WDR46: variants seen among roughly 807,000 people sequenced by gnomAD.
WDR46 encodes the protein WD repeat domain 46, also known as WD repeat-containing protein 46.
Under a neutral mutation model 74.7 loss-of-function variants are expected in WDR46, and 58 were observed. That is an observed-to-expected ratio of 0.78 (90% CI 0.63 to 0.97). The LOEUF (loss-of-function observed/expected upper bound fraction) is 0.97. Among genes scored for constraint, WDR46 ranks in the 50% least tolerant of loss-of-function variants. WDR46 has a pLI of 0.00. For missense variants in WDR46, 702 were observed against 790.1 expected, an observed-to-expected ratio of 0.89 and a Z score of 1.34; for synonymous variants, 278 against 297.3, an observed-to-expected ratio of 0.93 and a Z score of 0.67.
At chr6:33,284,452 A>AT (rs1217315120) in intron 10 of WDR46, 1 of 153,790 alleles carries the variant, frequency 6.5e-6, no homozygotes. Flanking sequence ...GAAAATGCAG[A>AT]TACTCCCTCA....
At chr6:33,285,344 A>C (rs1404845213) in intron 10 of WDR46, among the ~76,000 whole-genome samples, 3 of 152,020 alleles carry the variant, frequency 2.0e-5, no homozygotes, top group Non-Finnish European at 4.4e-5. Flanking sequence ...CTGGGACTAC[A>C]GGCATGCACC....
rs746368528 is a variant in WDR46, at chr6:33,288,007, C to A, written c.581G>T (p.Arg194Leu). The A allele has an allele frequency of 1.9e-6, 3 of 1,614,046 alleles. No individual in the cohort carries two copies. Among genetic ancestry groups the A allele is most frequent in the South Asian group, 2.2e-5 (2 of 91,072 alleles). The change falls in exon 6 of 15, where the codon CGG becomes CTG. Residue 194 changes from arginine to leucine, a missense_variant. By Grantham distance (102) the Arg-to-Leu change is moderately radical. Transcript: ENST00000374617. ...SAAKHFDLNL[R>L]QFGPYRLNYS... is the part of the protein sequence containing the mutation. ...GTTTAGTCTGTAGGGTCCAAACTGC[C>A]GCAGATTCAAGTCAAAGTGCTGGGA...
At chr6:33,283,846 C>A (rs563702239) in intron 10 of WDR46, among the ~76,000 whole-genome samples, 1 of 152,108 alleles carries the variant, frequency 6.6e-6, no homozygotes. Flanking sequence ...TGTAATGAAC[C>A]GAGATCGCGC....
chr6:33,286,149 G>T (rs1383686758), intron 10 of WDR46, among the ~76,000 whole-genome samples: 1 of 111,348 alleles, frequency 9.0e-6, no homozygotes, highest in African/African-American at 4.1e-5. Context: ...TCTCTCAAAA[G>T]ATTTAAAAAA....
rs1765886614 is a variant in WDR46 at position 33,279,166 on chromosome 6, C to T, written c.*110G>A. 6.8e-7 allele frequency: 1 copy of T among 1,477,042 alleles called. No homozygotes were observed. Among genetic ancestry groups the T allele is most frequent in the Admixed American group, 1.9e-5 (1 of 51,590 alleles). 91.5% of individuals were successfully genotyped at this position (1,477,042 alleles called of 1,614,324 possible). On this transcript the variant is annotated 3_prime_UTR_variant, in exon 15 of 15. Transcript: ENST00000374617. ...CACCCCAGGAGACAGCTGTCCACCC[C>T]CAGTTGGGGAAGGGGCCACACTGCC...
At position 33,288,446 on chromosome 6, in the gene WDR46, G is replaced by T. The variant is rs773625139; in HGVS notation, c.385C>A (p.Arg129=). The T allele has an allele frequency of 1.1e-5, 18 of 1,613,996 alleles. No homozygotes were observed. Among genetic ancestry groups the T allele is most frequent in the South Asian group, 8.8e-5 (8 of 91,094 alleles). ...RKLPHSKAKT[R]SRLEVAEAEE... is the part of the protein sequence containing the mutation. The stretch of plus-strand genomic sequence containing the variant: ...GCTTCAGCCACCTCAAGTCGGCTTC[G>T]AGTTTTGGCTTTAGAATGTGGTAGC... Residue 129 remains arginine (R), a synonymous_variant, in exon 4 of 15, where the codon CGA becomes AGA. Transcript: ENST00000374617.
intron 5 of WDR46, 49 bp from the exon 6 acceptor site, chr6:33,288,075 C>T (rs777885547): frequency 5.1e-5 from 83 of 1,613,866 alleles, no homozygotes; most frequent in Non-Finnish European, 6.8e-5. Context: ...GTAACGCCTT[C>T]TTCTAGCCCC....
intron 4 of WDR46, 47 bp downstream of exon 4, chr6:33,288,309 GAC>G (rs778034756): frequency 1.3e-4 from 213 of 1,613,304 alleles, no homozygotes; most frequent in Non-Finnish European, 1.7e-4. Flanking sequence ...AACGAGAAAA[GAC>G]AGTCCCAAAA....
At chr6:33,287,845 C>T (rs1766816435) in intron 6 of WDR46, 120 bp downstream of exon 6, 2 of 1,504,160 alleles carry the variant, frequency 1.3e-6, no homozygotes, top group Non-Finnish European at 1.8e-6. Context: ...GGTGCTTACC[C>T]TCACACCCAA....
In WDR46 at chr6:33,280,526, AAGGG is replaced by A; in HGVS notation, c.1430-8_1430-5del. The A allele has an allele frequency of 6.2e-7, 1 of 1,601,326 alleles. No individual in the cohort carries two copies. Among genetic ancestry groups the A allele is most frequent in the Non-Finnish European group, 8.5e-7 (1 of 1,173,246 alleles). On this transcript the variant is annotated splice_region_variant and splice_polypyrimidine_tract_variant and intron_variant, in intron 11 of 14. Transcript: ENST00000374617. The stretch of plus-strand genomic sequence containing the variant: ...TCGAAGTTGGGCTCACCGGCCCCTG[AAGGG>A]AGGGAGGGAGAAGCATGGAGCCATA...
At chr6:33,287,743 G>A in intron 6 of WDR46, 25 bp from the exon 7 acceptor site, 1 of 1,611,800 alleles carries the variant, frequency 6.2e-7, no homozygotes, top group Non-Finnish European at 8.5e-7. Context: ...GGGCAGGCAG[G>A]GTGTTAAGGC....
At position 33,287,241 on chromosome 6, in the gene WDR46, CAG is replaced by C. The variant is rs1319738099; in HGVS notation, c.880-17_880-16del. 1 of 1,613,464 alleles carries C rather than the reference CAG, an allele frequency of 6.2e-7. No homozygotes were observed. The highest frequency in any genetic ancestry group is 1.1e-5 in the South Asian group (1 of 91,016). On this transcript the variant is annotated splice_polypyrimidine_tract_variant and intron_variant, in intron 8 of 14. Coordinates refer to ENST00000374617, the MANE Select transcript of WDR46 (RefSeq NM_005452.6). The stretch of plus-strand genomic sequence containing the variant: ...CCTGTTTCTGACTGAGAGAGAAAGA[CAG>C]AGAGAATGACCCAGTCCTGATTGCC...
chr6:33,288,834 C>A lies in WDR46; in HGVS notation c.249G>T (p.Lys83Asn), dbSNP rs899911121. 1.4e-5 allele frequency: 23 copies of A among 1,614,168 alleles called. No individual in the cohort carries two copies. Among genetic ancestry groups the A allele is most frequent in the Non-Finnish European group, 1.9e-5 (23 of 1,180,024 alleles). ...PQVPKKPREW[K>N]NPESQRGLSG... ...ACAAGCCGCGCTGGGACTCCGGGTT[C>A]TTCCATTCTCGGGGTTTCTTCGGGA... The change falls in exon 2 of 15, where the codon AAG (lysine) becomes AAT (asparagine). Residue 83 changes from lysine (K) to asparagine (N), a missense_variant. Coordinates refer to ENST00000374617, the MANE Select transcript of WDR46 (RefSeq NM_005452.6).
rs988816888 is a variant in WDR46 at position 33,280,521 on chromosome 6, C to A, written c.1431G>T (p.Gly477=). 5 of 1,601,472 alleles carry A rather than the reference C, an allele frequency of 3.1e-6. No homozygotes were observed. Among genetic ancestry groups the A allele is most frequent in the Non-Finnish European group, 3.4e-6 (4 of 1,173,368 alleles). ...TGGITSMLVP[G]AGEPNFDGLE... ...GGCCATCGAAGTTGGGCTCACCGGC[C>A]CCTGAAGGGAGGGAGGGAGAAGCAT... Residue 477 remains glycine (G), a splice_region_variant and synonymous_variant, in exon 12 of 15, where the codon GGG becomes GGT. Coordinates refer to ENST00000374617, the MANE Select transcript of WDR46 (RefSeq NM_005452.6).
At chr6:33,282,099 G>A (rs1156400133) in intron 10 of WDR46, among the ~76,000 whole-genome samples, 11 of 152,214 alleles carry the variant, frequency 7.2e-5, no homozygotes. Context: ...TGGGATTACA[G>A]GTGAGGTTGG....
chr6:33,279,920 G>A (rs1765978274), intron 12 of WDR46, 61 bp from the exon 13 acceptor site: 2 of 1,557,232 alleles, frequency 1.3e-6, no homozygotes, highest in Non-Finnish European at 1.8e-6. Context: ...GCACCAAAAA[G>A]AGAAGCCAGG....
At position 33,280,697 on chromosome 6, in the gene WDR46, C is replaced by A; in HGVS notation, c.1406G>T (p.Gly469Val). The part of the protein sequence containing the change: ...EDVLGVGHTG[G>V]ITSMLVPGAG... The stretch of plus-strand genomic sequence containing the variant: ...ACCAGGGACCAGCATGCTGGTGATG[C>A]CCCCAGTGTGCCCCACCCCCAGCAC... The change falls in exon 11 of 15, where the codon GGC (glycine) becomes GTC (valine). Residue 469 changes from glycine to valine, a missense_variant. By Grantham distance (109) the Gly-to-Val change is moderately radical. Transcript: ENST00000374617. 6.3e-7 allele frequency: 1 copy of A among 1,587,140 alleles called. No homozygotes were observed.
chr6:33,289,189 G>C lies in WDR46; in HGVS notation c.-19C>G, dbSNP rs371277915. On this transcript the variant is annotated 5_prime_UTR_variant, in exon 1 of 15. It adds an upstream start codon to the 5' untranslated region. Coordinates refer to ENST00000374617, the MANE Select transcript of WDR46 (RefSeq NM_005452.6). The stretch of plus-strand genomic sequence containing the variant: ...TCTCCATCTCGCCCACCCGAACGGC[G>C]ATCCACGTGCAAAACTCCTCTCAGC... 1.2e-6 allele frequency: 2 copies of C among 1,604,234 alleles called. No homozygotes were observed. Among genetic ancestry groups the C allele is most frequent in the Non-Finnish European group, 8.5e-7 (1 of 1,175,820 alleles).
Position 33,288,036 on chromosome 6 carries a change from A to G in WDR46, c.562-10T>C. 1 of 1,614,158 alleles carries G rather than the reference A, an allele frequency of 6.2e-7. No homozygotes were observed. Among genetic ancestry groups the G allele is most frequent in the Non-Finnish European group, 8.5e-7 (1 of 1,180,026 alleles). ...GATTCAAGTCAAAGTGCTGGGAAAG[A>G]GAAGAGTGAAAAAAAAGAGTGCCCT... is the stretch of plus-strand genomic sequence containing the variant. On this transcript the variant is annotated splice_polypyrimidine_tract_variant and intron_variant, in intron 5 of 14. Transcript: ENST00000374617.
Sources: gnomAD v4.1 joint callset for allele counts (sites outside exome capture counted in the v4.1 genomes callset) on GRCh38, gnomAD v4.1.1 for gene constraint, MANE v1.5 for transcripts, NCBI Gene and HGNC (gene_info 2026-07-23, HGNC 2026-07-21) for gene names.